SLC9C2: variants seen among roughly 807,000 people sequenced by gnomAD.
SLC9C2 encodes the protein solute carrier family 9 member C2 (putative), also known as sodium/hydrogen exchanger 11.
Under a neutral mutation model 140.2 loss-of-function variants are expected in SLC9C2, and 75 were observed. The observed-to-expected ratio is 0.53, with a 90% confidence interval of 0.44 to 0.65. SLC9C2 has a LOEUF of 0.65. SLC9C2 is among the 30% of genes least tolerant of loss of function. The pLI is 0.00. For synonymous variants in SLC9C2, 375 were observed against 420.9 expected (o/e 0.89, Z 1.34); for missense variants, 1,074 against 1,331.8 (o/e 0.81, Z 3.01).
At chr1:173,534,733 G>T (rs752988237) in intron 15 of SLC9C2, 51 bp from the exon 16 acceptor site, 2 of 1,290,262 alleles carry the variant, frequency 1.6e-6, no homozygotes, top group Non-Finnish European at 1.0e-6. Flanking sequence ...ATAATTAGCA[G>T]CTGAAGTTCA....
At chr1:173,526,847 T>C in intron 18 of SLC9C2, 133 bp from the exon 19 acceptor site, 1 of 670,860 alleles carries the variant, frequency 1.5e-6, no homozygotes, top group Non-Finnish European at 2.4e-6. Context: ...CTGGCTTTCC[T>C]TTTATTTTTA....
intron 20 of SLC9C2, among the ~76,000 whole-genome samples, chr1:173,524,495 T>C (rs1004662447): frequency 6.6e-6 from 1 of 152,222 alleles, no homozygotes; most frequent in Non-Finnish European, 1.5e-5. Context: ...CTGGCTATTG[T>C]GGGTTCTATA....
intron 1 of SLC9C2, 132 bp from the exon 2 acceptor site, chr1:173,601,987 G>A (rs1203124431): frequency 1.3e-5 from 7 of 543,312 alleles, no homozygotes; most frequent in Non-Finnish European, 2.3e-5. Context: ...AATACCTCTT[G>A]TCCTACCCCT....
chr1:173,524,863 A>T lies in SLC9C2; in HGVS notation c.2430T>A (p.Asn810Lys), dbSNP rs758982957. The T allele has an allele frequency of 6.2e-7, 1 of 1,614,082 alleles. No homozygotes were observed. The highest frequency in any genetic ancestry group is 1.3e-5 in the African/African-American group (1 of 75,040). ...GATTTTTTAGAGCTTTAGCAATCAC[A>T]TTCCGGATTGCCTGTTTAGTCTTCA... ...IALKTKQAIR[N>K]VIAKALKNLT... Residue 810 changes from asparagine (N) to lysine (K), a missense_variant, in exon 20 of 28, where the codon AAT (asparagine) becomes AAA (lysine). By Grantham distance (94) the Asn-to-Lys change is moderately conservative. Transcript: ENST00000367714.
chr1:173,557,467 G>A lies in SLC9C2; in HGVS notation c.1088C>T (p.Ser363Leu). 1.9e-6 allele frequency: 3 copies of A among 1,613,798 alleles called. No individual in the cohort carries two copies. In the South Asian group the frequency reaches 3.3e-5, roughly 18 times the overall value. ...ILLVSPILMH[S>L]NYEYNWRWGV... The stretch of plus-strand genomic sequence containing the variant: ...CCATCGCCAATTATATTCATAATTT[G>A]AATGCATCAAAATAGGGCTCACTAA... The change falls in exon 10 of 28, where the codon TCA becomes TTA. Residue 363 changes from serine (S) to leucine (L), a missense_variant. Coordinates refer to ENST00000367714, the MANE Select transcript of SLC9C2 (RefSeq NM_178527.4).
At chr1:173,553,513 C>A (rs1663463437) in intron 11 of SLC9C2, among the ~76,000 whole-genome samples, 1 of 152,212 alleles carries the variant, frequency 6.6e-6, no homozygotes, top group Non-Finnish European at 1.5e-5. Flanking sequence ...GCAACCACCA[C>A]CCTGATCTGA....
At position 173,526,704 on chromosome 1, in the gene SLC9C2, TCA is replaced by T; in HGVS notation, c.2322_2323del (p.Cys774Ter). On this transcript the variant is annotated stop_gained and frameshift_variant, in exon 19 of 28. Transcript: ENST00000367714. LOFTEE classifies it high-confidence loss of function. ...ATCCTGTTTGTTGGTTTCCAAAATT[TCA>T]CATAGTTTCTGTAAAAAATTAAGAA... is the stretch of plus-strand genomic sequence containing the variant. 1 of 1,590,686 alleles carries T rather than the reference TCA, an allele frequency of 6.3e-7. No homozygotes were observed. Among genetic ancestry groups the T allele is most frequent in the Non-Finnish European group, 8.5e-7 (1 of 1,172,730 alleles).
intron 23 of SLC9C2, among the ~76,000 whole-genome samples, chr1:173,510,783 T>C (rs897484818): frequency 1.3e-5 from 2 of 152,152 alleles, no homozygotes; most frequent in Non-Finnish European, 2.9e-5. Flanking sequence ...GTGAATAGTG[T>C]GGCAATAAAC....
Position 173,579,192 on chromosome 1 carries a change from C to T in SLC9C2, c.803-2432G>A, listed in dbSNP as rs140108299. Among the ~76,000 whole-genome samples, 1,218 of 152,270 alleles carry T rather than the reference C, an allele frequency of 8.0e-3. 15 individuals carry two copies. Among genetic ancestry groups the T allele is most frequent in the African/African-American group, 0.028 (1,168 of 41,538 alleles). On this transcript the variant is annotated intron_variant, in intron 7 of 27. Transcript: ENST00000367714. ...AAATGCAACCAAAATACAGATATTTCCTCTCTGCTGGTGACAGCTACAATC... is the reference window on the plus strand; with the variant it reads ...AAATGCAACCAAAATACAGATATTTTCTCTCTGCTGGTGACAGCTACAATC...
intron 12 of SLC9C2, 84 bp downstream of exon 12, chr1:173,548,305 T>C: frequency 7.6e-7 from 1 of 1,311,630 alleles, no homozygotes; most frequent in South Asian, 1.4e-5. Context: ...ATTAGCAGAA[T>C]CAGGTCTTTA....
chr1:173,575,653 T>A (rs569596984), intron 8 of SLC9C2, among the ~76,000 whole-genome samples: 165 of 152,254 alleles, frequency 1.1e-3, no homozygotes, highest in Non-Finnish European at 2.0e-3. Context: ...CTCGGCTCAC[T>A]GCAAGCTCCG....
rs922372697 is a variant in SLC9C2, at chr1:173,582,060, G to T, written c.641-52C>A. The T allele has an allele frequency of 3.6e-6, 5 of 1,375,070 alleles. No homozygotes were observed. In the South Asian group the frequency reaches 5.3e-5, roughly 15 times the overall value. 85.2% of individuals were successfully genotyped at this position (1,375,070 alleles called of 1,614,324 possible). A position where few individuals can be genotyped will look rare whatever the true frequency, so the allele number is the denominator to read the frequency against. On this transcript the variant is annotated intron_variant, in intron 6 of 27. Transcript: ENST00000367714. The stretch of plus-strand genomic sequence containing the variant: ...AATAAAAACTTGAGCTATAACTTTT[G>T]TCTCTTTCACTGATGGCATTTGGGT...
intron 21 of SLC9C2, among the ~76,000 whole-genome samples, chr1:173,523,299 G>A (rs185791353): frequency 6.6e-6 from 1 of 151,428 alleles, no homozygotes. Context: ...TTGAACCCGG[G>A]AGGCGGAGGT....
intron 4 of SLC9C2, 93 bp downstream of exon 4, chr1:173,597,811 T>G: frequency 8.1e-7 from 1 of 1,239,176 alleles, no homozygotes; most frequent in Non-Finnish European, 1.1e-6. Context: ...TATGACATTT[T>G]GTGAATTATT....
intron 21 of SLC9C2, among the ~76,000 whole-genome samples, chr1:173,521,914 A>G (rs1222685105): frequency 6.7e-6 from 1 of 148,570 alleles, no homozygotes; most frequent in African/African-American, 2.5e-5. Context: ...AAAAATGCAG[A>G]AAAGGCCGGG....
chr1:173,552,569 G>A (rs1415169556), intron 11 of SLC9C2, among the ~76,000 whole-genome samples: 1 of 152,130 alleles, frequency 6.6e-6, no homozygotes, highest in Non-Finnish European at 1.5e-5. Context: ...TAAGAATTAA[G>A]CTAAATGTAT....
At chr1:173,596,757 A>T (rs1233217579) in intron 4 of SLC9C2, 1 of 152,158 alleles carries the variant, frequency 6.6e-6, no homozygotes, top group Non-Finnish European at 1.5e-5. Context: ...TGGAAAAATT[A>T]TAGCAGGCAA....
rs185029133 is a variant in SLC9C2 at position 173,534,309 on chromosome 1, T to A, written c.1974+175A>T. ...CTGATGTCCAATACCATGACTCTTATACTAATTTCACTATTAAACTTGGAA... is the reference window on the plus strand; with the variant it reads ...CTGATGTCCAATACCATGACTCTTAAACTAATTTCACTATTAAACTTGGAA... On this transcript the variant is annotated intron_variant, in intron 16 of 27. Transcript: ENST00000367714. Among the ~76,000 whole-genome samples the A allele has an allele frequency of 1.2e-4, 18 of 152,238 alleles. 2 individuals are homozygous for A. The South Asian group carries it at 3.7e-3, about 32-fold the overall frequency.
At position 173,559,331 on chromosome 1, in the gene SLC9C2, A is replaced by G. The variant is rs1408478954; in HGVS notation, c.1047-1823T>C. Among the ~76,000 whole-genome samples the G allele has an allele frequency of 4.6e-5, 7 of 152,326 alleles. No individual in the cohort carries two copies. In the East Asian group the frequency reaches 5.8e-4, roughly 13 times the overall value. ...GGTCTGGGTGTAGAAGGAAATTCAC[A>G]TAACTCATGGCATCAGGGAAAGTGT... On this transcript the variant is annotated intron_variant, in intron 9 of 27. Coordinates refer to ENST00000367714, the MANE Select transcript of SLC9C2 (RefSeq NM_178527.4).
Sources: allele counts gnomAD v4.1 joint callset (sites outside exome capture counted in the v4.1 genomes callset), GRCh38; gene constraint gnomAD v4.1.1; transcripts MANE v1.5; gene names NCBI Gene and HGNC (gene_info 2026-07-23, HGNC 2026-07-21).